Variants in PDE8A observed in about 807,000 individuals in gnomAD.
The protein encoded by PDE8A is phosphodiesterase 8A, also known as high affinity cAMP-specific and IBMX-insensitive 3',5'-cyclic phosphodiesterase 8A.
Under a neutral mutation model 105.0 loss-of-function variants are expected in PDE8A, and 59 were observed. The observed-to-expected ratio is 0.56, with a 90% CI of 0.46 to 0.70. PDE8A has a LOEUF of 0.70. Ranked by LOEUF, PDE8A falls within the 30% of genes least tolerant of loss-of-function variation. The pLI is 0.00. For synonymous variants in PDE8A, 355 were observed against 371.9 expected, an observed-to-expected ratio of 0.95 and a Z score of 0.52; for missense variants, 1,014 against 1,045.9, an observed-to-expected ratio of 0.97 and a Z score of 0.42.
chr15:85,083,024 C>T (rs377640794), intron 5 of PDE8A, among the ~76,000 whole-genome samples: 3 of 152,246 alleles, frequency 2.0e-5, no homozygotes, highest in South Asian at 4.1e-4. Flanking sequence ...AATCCTCTGT[C>T]GGCTTCACTG....
chr15:84,992,326 G>A (rs1246760806), intron 1 of PDE8A, among the ~76,000 whole-genome samples: 1 of 152,088 alleles, frequency 6.6e-6, no homozygotes, highest in Non-Finnish European at 1.5e-5. Flanking sequence ...AGACTGGGAG[G>A]ATGTGGATAA....
intron 1 of PDE8A, among the ~76,000 whole-genome samples, chr15:84,985,284 G>C (rs1017822530): frequency 6.6e-6 from 1 of 152,144 alleles, no homozygotes; most frequent in Non-Finnish European, 1.5e-5. Context: ...AATATATTAG[G>C]CTGGGTTGTC....
intron 1 of PDE8A, among the ~76,000 whole-genome samples, chr15:85,042,638 CT>C (rs991325662): frequency 2.0e-5 from 3 of 152,194 alleles, no homozygotes; most frequent in African/African-American, 7.2e-5. Context: ...GCATGTTTAG[CT>C]TCCCTACCTG....
chr15:85,091,662 TAGAG>T (rs984622144), intron 8 of PDE8A, among the ~76,000 whole-genome samples: 1 of 152,174 alleles, frequency 6.6e-6, no homozygotes, highest in Non-Finnish European at 1.5e-5. Flanking sequence ...ATTCCTGCCT[TAGAG>T]AGCTCATATT....
At chr15:85,111,624 G>A (rs958325194) in intron 12 of PDE8A, among the ~76,000 whole-genome samples, 1 of 152,174 alleles carries the variant, frequency 6.6e-6, no homozygotes. Flanking sequence ...CTGATACCTG[G>A]TAGTAGGTAG....
intron 11 of PDE8A, among the ~76,000 whole-genome samples, chr15:85,106,122 C>G (rs17541051): frequency 0.21 from 31,422 of 151,912 alleles, 4,272 homozygotes; most frequent in Middle Eastern, 0.33. Flanking sequence ...TCTCCCTCCA[C>G]TTTTCACAGT....
intron 1 of PDE8A, among the ~76,000 whole-genome samples, chr15:85,004,211 A>T (rs1338468855): frequency 1.3e-5 from 2 of 152,170 alleles, no homozygotes; most frequent in Non-Finnish European, 2.9e-5. Context: ...ATAGTTGTGT[A>T]GTTTGGGTGG....
chr15:85,056,700 A>T (rs943788295), intron 1 of PDE8A, among the ~76,000 whole-genome samples: 1 of 152,180 alleles, frequency 6.6e-6, no homozygotes, highest in Admixed American at 6.5e-5. Context: ...TATTCTAGTT[A>T]GCCATTCGTC....
At chr15:85,054,692 T>A (rs2081032209) in intron 1 of PDE8A, among the ~76,000 whole-genome samples, 1 of 152,230 alleles carries the variant, frequency 6.6e-6, no homozygotes, top group South Asian at 2.1e-4. Flanking sequence ...TGTGTCTATT[T>A]GATTCTTCTC....
intron 19 of PDE8A, 114 bp downstream of exon 19, chr15:85,123,307 T>C: frequency 1.2e-6 from 1 of 837,610 alleles, no homozygotes; most frequent in East Asian, 2.6e-5. Flanking sequence ...GTGAGTCTAT[T>C]AGACTCTTAC....
chr15:85,005,565 A>G (rs902632922), intron 1 of PDE8A, among the ~76,000 whole-genome samples: 4 of 152,214 alleles, frequency 2.6e-5, no homozygotes, highest in Non-Finnish European at 5.9e-5. Context: ...AGAGAATTAT[A>G]TGGTATTTAG....
At chr15:85,087,282 A>C (rs1248259744) in intron 6 of PDE8A, among the ~76,000 whole-genome samples, 1 of 152,132 alleles carries the variant, frequency 6.6e-6, no homozygotes, top group Non-Finnish European at 1.5e-5. Flanking sequence ...TGCTCACTGC[A>C]TCCTTGACCT....
chr15:85,109,491 T>C (rs1487399104), intron 12 of PDE8A, among the ~76,000 whole-genome samples: 1 of 152,252 alleles, frequency 6.6e-6, no homozygotes, highest in Non-Finnish European at 1.5e-5. Context: ...TGGAAACTTT[T>C]AGAGAGAGGT....
intron 8 of PDE8A, among the ~76,000 whole-genome samples, chr15:85,096,386 G>A (rs1336251350): frequency 1.3e-5 from 2 of 152,126 alleles, no homozygotes; most frequent in African/African-American, 4.8e-5. Context: ...TTGAGCCTGG[G>A]AGGTTGAGGC....
At chr15:85,073,041 G>C (rs2081334691) in intron 3 of PDE8A, among the ~76,000 whole-genome samples, 1 of 152,154 alleles carries the variant, frequency 6.6e-6, no homozygotes, top group Non-Finnish European at 1.5e-5. Context: ...TTGAGCCCAG[G>C]AGGTCAAAGC....
At chr15:85,105,568 C>G (rs1331739163) in intron 11 of PDE8A, among the ~76,000 whole-genome samples, 1 of 152,150 alleles carries the variant, frequency 6.6e-6, no homozygotes, top group Non-Finnish European at 1.5e-5. Context: ...ATCACCCCCA[C>G]TGTTTTTCCA....
chr15:85,089,197 T>G (rs1596506235), intron 6 of PDE8A, 141 bp from the exon 7 acceptor site: 32 of 566,996 alleles, frequency 5.6e-5, no homozygotes, highest in South Asian at 4.6e-5. Flanking sequence ...TGCAGGGGGG[T>G]GTTTATTTCT....
At chr15:85,105,143 G>A (rs2081928677) in intron 11 of PDE8A, among the ~76,000 whole-genome samples, 1 of 152,224 alleles carries the variant, frequency 6.6e-6, no homozygotes, top group Non-Finnish European at 1.5e-5. Flanking sequence ...TGGAACCCAG[G>A]CCTCATACTT....
intron 11 of PDE8A, among the ~76,000 whole-genome samples, chr15:85,102,219 G>A (rs1459117008): frequency 1.3e-5 from 2 of 152,276 alleles, no homozygotes; most frequent in South Asian, 2.1e-4. Flanking sequence ...GGGTTAGAGG[G>A]ACGAGGGAGT....
Sources: allele counts gnomAD v4.1 joint callset (sites outside exome capture counted in the v4.1 genomes callset), GRCh38; gene constraint gnomAD v4.1.1; transcripts MANE v1.5; gene names NCBI Gene and HGNC (gene_info 2026-07-23, HGNC 2026-07-21).